The following NTN1 variants were observed in gnomAD, a reference collection of about 807,000 sequenced individuals.
NTN1 encodes netrin 1, also known as netrin-1.
In NTN1, 11 loss-of-function variants were observed where a neutral mutation model predicts 54.2. The observed-to-expected ratio is 0.20, with a 90% confidence interval of 0.13 to 0.34. The LOEUF is 0.34. Among genes scored for constraint, NTN1 ranks in the 10% least tolerant of loss-of-function variants. NTN1 has a pLI of 1.00. For synonymous variants in NTN1, 371 were observed against 382.0 expected (o/e 0.97, Z 0.33); for missense variants, 740 against 893.1 (o/e 0.83, Z 2.18).
Position 9,071,685 on chromosome 17 carries a change from C to T in NTN1, c.1018+48294C>T, listed in dbSNP as rs115225959. ...GGGAGACCCTGCCCGCATGCCCTTT[C>T]GCCAGCAGCATCAAATGGAGGCTGG... On this transcript the variant is annotated intron_variant, in intron 2 of 6. Transcript: ENST00000173229. Among the ~76,000 whole-genome samples the T allele has an allele frequency of 4.9e-3, 745 of 152,340 alleles. 22 individuals carry two copies. In the South Asian group the frequency reaches 0.059, roughly 12 times the overall value.
chr17:9,074,243 T>G (rs2092041958), intron 2 of NTN1, among the ~76,000 whole-genome samples: 2 of 152,202 alleles, frequency 1.3e-5, no homozygotes, highest in Admixed American at 6.5e-5. Flanking sequence ...GCTCAGCAAC[T>G]GCATTTTTCT....
At chr17:9,049,682 T>G (rs1260727041) in intron 2 of NTN1, among the ~76,000 whole-genome samples, 1 of 152,226 alleles carries the variant, frequency 6.6e-6, no homozygotes, top group African/African-American at 2.4e-5. Context: ...TGTCATAGAC[T>G]GGAGGAGACT....
chr17:9,008,819 G>A, the NTN1 span, among the ~76,000 whole-genome samples: 7 of 152,156 alleles, frequency 4.6e-5, no homozygotes, highest in African/African-American at 1.2e-4. Flanking sequence ...CCAGCATCAC[G>A]GAGATGTTAA....
chr17:9,109,815 G>A (rs901105224), intron 2 of NTN1, among the ~76,000 whole-genome samples: 1 of 152,220 alleles, frequency 6.6e-6, no homozygotes, highest in African/African-American at 2.4e-5. Flanking sequence ...ATGGTGTGTG[G>A]TTTAAATTTG....
intron 5 of NTN1, among the ~76,000 whole-genome samples, chr17:9,204,239 C>T (rs1357798246): frequency 1.4e-5 from 2 of 143,448 alleles, no homozygotes; most frequent in African/African-American, 5.1e-5. Flanking sequence ...CTCTTCTCTT[C>T]CTCTGTTTCT....
At chr17:9,093,391 C>G (rs2092119835) in intron 2 of NTN1, among the ~76,000 whole-genome samples, 1 of 152,154 alleles carries the variant, frequency 6.6e-6, no homozygotes, top group South Asian at 2.1e-4. Flanking sequence ...GAGACAAGGT[C>G]TCACTCTGTT....
At chr17:9,138,623 A>G (rs1023453087) in intron 2 of NTN1, among the ~76,000 whole-genome samples, 8 of 152,096 alleles carry the variant, frequency 5.3e-5, no homozygotes, top group African/African-American at 1.9e-4. Flanking sequence ...GCACCTACTT[A>G]TTGGGTGTGC....
intron 2 of NTN1, among the ~76,000 whole-genome samples, chr17:9,138,910 G>A (rs978791486): frequency 2.0e-5 from 3 of 152,146 alleles, no homozygotes; most frequent in Non-Finnish European, 4.4e-5. Flanking sequence ...GGGTGGTTGG[G>A]GCAGTGAGCA....
chr17:9,090,727 T>A (rs2092107648), intron 2 of NTN1, among the ~76,000 whole-genome samples: 1 of 151,976 alleles, frequency 6.6e-6, no homozygotes, highest in Non-Finnish European at 1.5e-5. Flanking sequence ...AACATTTAGC[T>A]TTTTGTTGTG....
chr17:9,171,230 T>C (rs2092386424), intron 3 of NTN1: 1 of 152,208 alleles, frequency 6.6e-6, no homozygotes, highest in Non-Finnish European at 1.5e-5. Flanking sequence ...ACACAGAGAA[T>C]GTAAGAGTGG....
intron 6 of NTN1, among the ~76,000 whole-genome samples, chr17:9,230,282 C>T (rs1905761215): frequency 6.6e-6 from 1 of 152,130 alleles, no homozygotes; most frequent in South Asian, 2.1e-4. Flanking sequence ...CCAGAGGCAG[C>T]TGATGTGATG....
chr17:9,143,671 C>A (rs1467096957), intron 2 of NTN1, among the ~76,000 whole-genome samples: 3 of 152,106 alleles, frequency 2.0e-5, no homozygotes, highest in African/African-American at 7.2e-5. Context: ...AGATGGTCTC[C>A]GTTCTGGAAA....
At chr17:9,078,027 A>G (rs2092057190) in intron 2 of NTN1, among the ~76,000 whole-genome samples, 1 of 151,992 alleles carries the variant, frequency 6.6e-6, no homozygotes, top group Non-Finnish European at 1.5e-5. Context: ...ACCACTCAGT[A>G]TTGTTTGTTA....
intron 6 of NTN1, among the ~76,000 whole-genome samples, chr17:9,226,957 G>A (rs1905585914): frequency 6.6e-6 from 1 of 150,666 alleles, no homozygotes; most frequent in Admixed American, 6.6e-5. Context: ...CCCGCCCCCC[G>A]AGGCCCCGCC....
intron 2 of NTN1, among the ~76,000 whole-genome samples, chr17:9,064,919 C>T (rs2092010049): frequency 6.6e-6 from 1 of 152,040 alleles, no homozygotes; most frequent in African/African-American, 2.4e-5. Flanking sequence ...CCACCATGCC[C>T]CATTCATTTT....
At chr17:9,232,650 G>T (rs557192567) in intron 6 of NTN1, among the ~76,000 whole-genome samples, 1 of 152,180 alleles carries the variant, frequency 6.6e-6, no homozygotes, top group African/African-American at 2.4e-5. Flanking sequence ...GGACTCCTGA[G>T]GGCAGCGGTG....
chr17:9,151,729 G>A (rs1335407468), intron 2 of NTN1, among the ~76,000 whole-genome samples: 2 of 152,222 alleles, frequency 1.3e-5, no homozygotes, highest in East Asian at 1.9e-4. Flanking sequence ...GGCTGACCAC[G>A]GAGGGTCCCT....
At chr17:9,100,387 T>C (rs1352402968) in intron 2 of NTN1, among the ~76,000 whole-genome samples, 2 of 152,164 alleles carry the variant, frequency 1.3e-5, no homozygotes, top group African/African-American at 2.4e-5. Context: ...AAGCTCCACC[T>C]CCCAGGTTCA....
intron 3 of NTN1, chr17:9,177,455 C>T (rs1032811482): frequency 6.6e-6 from 1 of 152,264 alleles, no homozygotes; most frequent in Non-Finnish European, 1.5e-5. Flanking sequence ...ACCGAGCAAC[C>T]TTTGGTGACC....
Sources: allele counts gnomAD v4.1 joint callset (sites outside exome capture counted in the v4.1 genomes callset), GRCh38; gene constraint gnomAD v4.1.1; transcripts MANE v1.5; gene names NCBI Gene and HGNC (gene_info 2026-07-23, HGNC 2026-07-21).